ADAMTS17: variants seen among roughly 807,000 people sequenced by gnomAD.
ADAMTS17 encodes the protein A disintegrin and metalloproteinase with thrombospondin motifs 17.
In ADAMTS17, 113 loss-of-function variants were observed where a neutral mutation model predicts 141.5. That is an observed-to-expected ratio of 0.80 (90% CI 0.69 to 0.93). The LOEUF (loss-of-function observed/expected upper bound fraction) is 0.93. Ranked by LOEUF, ADAMTS17 falls within the 40% of genes least tolerant of loss-of-function variation. The pLI is 0.00. For synonymous variants in ADAMTS17, 768 were observed against 630.6 expected (o/e 1.22, Z -3.27); for missense variants, 1,659 against 1,517.9 (o/e 1.09, Z -1.54).
chr15:100,071,819 G>A (rs2033992591), intron 15 of ADAMTS17, among the ~76,000 whole-genome samples: 1 of 150,316 alleles, frequency 6.7e-6, no homozygotes, highest in Non-Finnish European at 1.5e-5. Flanking sequence ...GGCAAAAACT[G>A]GAAGCATTCC....
At chr15:99,995,214 T>C (rs1300726660) in intron 19 of ADAMTS17, among the ~76,000 whole-genome samples, 1 of 152,222 alleles carries the variant, frequency 6.6e-6, no homozygotes, top group Non-Finnish European at 1.5e-5. Context: ...AACTCTGTCC[T>C]CACTGTCTGA....
intron 7 of ADAMTS17, among the ~76,000 whole-genome samples, chr15:100,251,933 C>T (rs2043168715): frequency 6.6e-6 from 1 of 152,204 alleles, no homozygotes; most frequent in African/African-American, 2.4e-5. Flanking sequence ...AGTCTGCCGA[C>T]ACCTGGATCT....
At chr15:100,024,107 T>G (rs1246860825) in intron 18 of ADAMTS17, among the ~76,000 whole-genome samples, 1 of 152,142 alleles carries the variant, frequency 6.6e-6, no homozygotes, top group African/African-American at 2.4e-5. Flanking sequence ...TTTGTTGTTG[T>G]TGTTGAGATG....
intron 18 of ADAMTS17, among the ~76,000 whole-genome samples, chr15:100,026,079 C>T (rs1368625723): frequency 2.0e-5 from 3 of 152,124 alleles, no homozygotes; most frequent in African/African-American, 7.2e-5. Context: ...CAGTTATGAG[C>T]CTCCCCCAAC....
intron 4 of ADAMTS17, among the ~76,000 whole-genome samples, chr15:100,270,245 G>A (rs191192729): frequency 1.7e-4 from 26 of 152,208 alleles, no homozygotes; most frequent in South Asian, 8.3e-4. Context: ...ATTTGTAGCC[G>A]CCAGGCATTC....
At chr15:100,160,577 G>A (rs1238239306) in intron 8 of ADAMTS17, among the ~76,000 whole-genome samples, 1 of 152,216 alleles carries the variant, frequency 6.6e-6, no homozygotes, top group Non-Finnish European at 1.5e-5. Flanking sequence ...AGACACACAG[G>A]ATGGTTACAA....
chr15:100,297,432 C>G (rs922047548), intron 3 of ADAMTS17, among the ~76,000 whole-genome samples: 2 of 152,080 alleles, frequency 1.3e-5, no homozygotes, highest in African/African-American at 4.8e-5. Flanking sequence ...CTCCATGGGC[C>G]AAGGTGAAAA....
At chr15:100,190,984 A>C (rs550904630) in intron 8 of ADAMTS17, among the ~76,000 whole-genome samples, 21 of 152,182 alleles carry the variant, frequency 1.4e-4, no homozygotes, top group Non-Finnish European at 2.5e-4. Context: ...CACCGTCTGC[A>C]AAATGTCGAC....
chr15:100,026,941 C>A (rs1404468729), intron 18 of ADAMTS17, among the ~76,000 whole-genome samples: 1 of 152,340 alleles, frequency 6.6e-6, no homozygotes, highest in South Asian at 2.1e-4. Flanking sequence ...AATGGCTCCA[C>A]GTCCTTGCCA....
chr15:100,181,079 T>C (rs1258905445), intron 8 of ADAMTS17, among the ~76,000 whole-genome samples: 1 of 152,196 alleles, frequency 6.6e-6, no homozygotes, highest in African/African-American at 2.4e-5. Flanking sequence ...GAGGAGCCTC[T>C]TCCTGTGGCC....
In ADAMTS17 at chr15:100,006,275, C is replaced by T. The variant is rs116007510; in HGVS notation, c.2592-8686G>A. On this transcript the variant is annotated intron_variant, in intron 18 of 21. Transcript: ENST00000268070. ...GGAGGCCACATATTCTCAGGTTCTA[C>T]GGATTAGAATGTGGACACCTGTGGG... is the stretch of plus-strand genomic sequence containing the variant. Among the ~76,000 whole-genome samples the T allele has an allele frequency of 8.4e-3, 1,282 of 152,296 alleles. 24 individuals carry two copies. The highest frequency in any genetic ancestry group is 0.029 in the African/African-American group (1,203 of 41,562).
intron 20 of ADAMTS17, among the ~76,000 whole-genome samples, chr15:99,981,129 A>T (rs1052534654): frequency 1.1e-4 from 16 of 152,220 alleles, no homozygotes; most frequent in African/African-American, 3.9e-4. Context: ...TCCTATGTGA[A>T]TAAGAGGTTG....
At chr15:100,248,518 A>G (rs113500708) in intron 7 of ADAMTS17, among the ~76,000 whole-genome samples, 55 of 152,340 alleles carry the variant, frequency 3.6e-4, no homozygotes, top group African/African-American at 1.2e-3. Flanking sequence ...CACCCAGGAC[A>G]GCACCTATGT....
intron 8 of ADAMTS17, among the ~76,000 whole-genome samples, chr15:100,164,443 G>A (rs904414642): frequency 6.6e-6 from 1 of 152,140 alleles, no homozygotes; most frequent in African/African-American, 2.4e-5. Context: ...CTGCATGCCA[G>A]ATCCTGTTCT....
intron 7 of ADAMTS17, among the ~76,000 whole-genome samples, chr15:100,252,476 G>C (rs553551907): frequency 6.6e-6 from 1 of 152,184 alleles, no homozygotes; most frequent in Non-Finnish European, 1.5e-5. Flanking sequence ...ATGTCTCCAC[G>C]GGGCAAGCCA....
In ADAMTS17 at chr15:100,155,188, G is replaced by C; in HGVS notation, c.1314C>G (p.Asn438Lys). 1 of 1,614,236 alleles carries C rather than the reference G, an allele frequency of 6.2e-7. No homozygotes were observed. The highest frequency in any genetic ancestry group is 8.5e-7 in the Non-Finnish European group (1 of 1,180,044). ...WSSCSRDDLENFLKSKVSTCL... is the reference protein window; with the variant it reads ...WSSCSRDDLEKFLKSKVSTCL... ...ATAATTCCAGGACTTACTTGAGGAA[G>C]TTTTCAAGGTCATCTCGGCTGCAGG... The change falls in exon 9 of 22, where the codon AAC (asparagine) becomes AAG (lysine). Residue 438 changes from asparagine (N) to lysine (K), a missense_variant. Physicochemically the swap from Asn to Lys is moderately conservative, Grantham distance 94 (BLOSUM62 0). Coordinates refer to ENST00000268070, the MANE Select transcript of ADAMTS17 (RefSeq NM_139057.4).
intron 14 of ADAMTS17, among the ~76,000 whole-genome samples, chr15:100,105,688 CTTATTT>C (rs548914912): frequency 1.6e-3 from 243 of 152,124 alleles, no homozygotes; most frequent in African/African-American, 5.6e-3. Context: ...AGCTAGCTCT[CTTATTT>C]TTATTTTTTT....
intron 8 of ADAMTS17, among the ~76,000 whole-genome samples, chr15:100,176,845 A>G (rs943977808): frequency 6.6e-6 from 1 of 152,264 alleles, no homozygotes; most frequent in African/African-American, 2.4e-5. Flanking sequence ...CACAAATGTT[A>G]TATAAATGGA....
chr15:100,152,899 A>ATC, intron 9 of ADAMTS17, 137 bp from the exon 10 acceptor site: 5 of 736,196 alleles, frequency 6.8e-6, no homozygotes, highest in Non-Finnish European at 8.9e-6. Context: ...GGACGCAGGC[A>ATC]CTGGACACAC....
Sources: allele counts gnomAD v4.1 joint callset (sites outside exome capture counted in the v4.1 genomes callset), GRCh38; gene constraint gnomAD v4.1.1; transcripts MANE v1.5; gene names NCBI Gene and HGNC (gene_info 2026-07-23, HGNC 2026-07-21).